Variants in BAP1 observed in about 807,000 individuals in gnomAD.
BAP1 encodes BRCA1 associated deubiquitinase 1.
BAP1 carries 16 observed loss-of-function variants against 77.2 expected under a neutral mutation model. That is an observed-to-expected ratio of 0.21 (90% CI 0.14 to 0.31). The LOEUF is 0.31. Ranked by LOEUF, BAP1 falls within the 10% of genes least tolerant of loss-of-function variation. The pLI is 1.00. For synonymous variants in BAP1, 362 were observed against 385.2 expected, an observed-to-expected ratio of 0.94 and a Z score of 0.71; for missense variants, 699 against 967.3, an observed-to-expected ratio of 0.72 and a Z score of 3.68.
At position 52,406,133 on chromosome 3, in the gene BAP1, G is replaced by T; in HGVS notation, c.783+120C>A. 6.4e-7 allele frequency: 1 copy of T among 1,566,832 alleles called. No homozygotes were observed. Among genetic ancestry groups the T allele is most frequent in the Non-Finnish European group, 8.7e-7 (1 of 1,145,122 alleles). ...TGGGGGCAAAGAAAAGATGTGGTTA[G>T]CTGAAGCCCAGATCTACAAGAGAGT... On this transcript the variant is annotated intron_variant, in intron 9 of 16. Coordinates refer to ENST00000460680, the MANE Select transcript of BAP1 (RefSeq NM_004656.4). This position sits in a 1 kb window ranked among gnomAD's most constrained non-coding sequence, Gnocchi z 4.6.
Position 52,406,444 on chromosome 3 carries a change from T to C in BAP1, c.660-68A>G. ...CCCCGCCATCAGGTTGAGGCAGATATCCTGGCAGGGCTCCCTGCAGTCACA... is the reference window on the plus strand; with the variant it reads ...CCCCGCCATCAGGTTGAGGCAGATACCCTGGCAGGGCTCCCTGCAGTCACA... On this transcript the variant is annotated intron_variant, in intron 8 of 16. Transcript: ENST00000460680. This position sits in a 1 kb window ranked among gnomAD's most constrained non-coding sequence, Gnocchi z 4.6. 6.2e-7 allele frequency: 1 copy of C among 1,603,102 alleles called. No individual in the cohort carries two copies. Among genetic ancestry groups the C allele is most frequent in the Admixed American group, 1.7e-5 (1 of 59,834 alleles).
At position 52,403,096 on chromosome 3, in the gene BAP1, C is replaced by T. The variant is rs1166635113; in HGVS notation, c.1890+42G>A. ...TGGGCAGGAGGAGCTCAGGCCTTAC[C>T]CTCTGCCAGGATTAAAGGAGAAAAC... On this transcript the variant is annotated intron_variant, in intron 14 of 16. Coordinates refer to ENST00000460680, the MANE Select transcript of BAP1 (RefSeq NM_004656.4). This position sits in a 1 kb window ranked among gnomAD's most constrained non-coding sequence, Gnocchi z 4.0. The T allele has an allele frequency of 6.2e-7, 1 of 1,608,062 alleles. No individual in the cohort carries two copies. The highest frequency in any genetic ancestry group is 8.5e-7 in the Non-Finnish European group (1 of 1,179,704).
chr3:52,406,499 A>C lies in BAP1; in HGVS notation c.660-123T>G. ...CAGCTGTAGGTATAGGCCCCACCCCAACAGGCAGGCAGCGACTAGCCATAC... is the reference window on the plus strand; with the variant it reads ...CAGCTGTAGGTATAGGCCCCACCCCCACAGGCAGGCAGCGACTAGCCATAC... On this transcript the variant is annotated intron_variant, in intron 8 of 16. Coordinates refer to ENST00000460680, the MANE Select transcript of BAP1 (RefSeq NM_004656.4). The surrounding 1 kb of genome is among the most constrained non-coding windows in gnomAD (Gnocchi z 4.6). The C allele has an allele frequency of 6.8e-7, 1 of 1,472,768 alleles. No homozygotes were observed. The highest frequency in any genetic ancestry group is 9.2e-7 in the Non-Finnish European group (1 of 1,083,364). 91.2% of individuals were successfully genotyped at this position (1,472,768 alleles called of 1,614,324 possible).
chr3:52,406,624 T>C lies in BAP1; in HGVS notation c.659+205A>G. The C allele has an allele frequency of 1.2e-6, 1 of 857,520 alleles. No individual in the cohort carries two copies. Among genetic ancestry groups the C allele is most frequent in the Non-Finnish European group, 1.8e-6 (1 of 549,388 alleles). 53.1% of individuals were successfully genotyped at this position (857,520 alleles called of 1,614,324 possible). A position where few individuals can be genotyped will look rare whatever the true frequency, so the allele number is the denominator to read the frequency against. Reference sequence around the variant, plus strand: ...GGCTGCCTAAGGCTCCACTGAGGCCTGCCCCTCCCCCAGCCCACCCAGGAG... The same window carrying C: ...GGCTGCCTAAGGCTCCACTGAGGCCCGCCCCTCCCCCAGCCCACCCAGGAG... On this transcript the variant is annotated intron_variant, in intron 8 of 16. Coordinates refer to ENST00000460680, the MANE Select transcript of BAP1 (RefSeq NM_004656.4). This position sits in a 1 kb window ranked among gnomAD's most constrained non-coding sequence, Gnocchi z 4.6.
rs537688492 is a variant in BAP1, at chr3:52,401,659, C to G, written c.*629G>C. ...ATCCCAGCAGCCTGCTCACCCCAACCCCACTGGGACACCCTACTCCCAACC... is the reference window on the plus strand; with the variant it reads ...ATCCCAGCAGCCTGCTCACCCCAACGCCACTGGGACACCCTACTCCCAACC... On this transcript the variant is annotated 3_prime_UTR_variant, in exon 17 of 17. Transcript: ENST00000460680. The G allele has an allele frequency of 4.2e-6, 1 of 237,682 alleles. No individual in the cohort carries two copies. The highest frequency in any genetic ancestry group is 1.7e-4 in the South Asian group (1 of 5,768). The allele number at this position is 237,682 out of a possible 1,614,324, so 14.7% of individuals were successfully genotyped here. A position where few individuals can be genotyped will look rare whatever the true frequency, so the allele number is the denominator to read the frequency against.
At position 52,403,729 on chromosome 3, in the gene BAP1, C is replaced by G. The variant is rs375433595; in HGVS notation, c.1416G>C (p.Gly472=). The change falls in exon 13 of 17, where the codon GGG becomes GGC. Residue 472 remains glycine (G), a synonymous_variant. Transcript: ENST00000460680. The surrounding 1 kb of genome is among the most constrained non-coding windows in gnomAD (Gnocchi z 4.0). ...GTGTGGGCACTGCCACAGCCGGACT[C>G]CCAGCCCCGCTGCTAGTCTTGATGG... is the stretch of plus-strand genomic sequence containing the variant. ...PLSIKTSSGA[G]SPAVAVPTHS... 1 of 1,614,032 alleles carries G rather than the reference C, an allele frequency of 6.2e-7. No homozygotes were observed. Among genetic ancestry groups the G allele is most frequent in the Admixed American group, 1.7e-5 (1 of 60,028 alleles).
At position 52,401,125 on chromosome 3, in the gene BAP1, A is replaced by C. The variant is rs1231968721; in HGVS notation, c.*1163T>G. The C allele has an allele frequency of 2.2e-5, 5 of 232,498 alleles. No homozygotes were observed. The highest frequency in any genetic ancestry group is 1.1e-4 in the Admixed American group (2 of 17,804). 14.4% of individuals were successfully genotyped at this position (232,498 alleles called of 1,614,324 possible). A position where few individuals can be genotyped will look rare whatever the true frequency, so the allele number is the denominator to read the frequency against. ...GCTGCCACACTTGCCAGCACCCCCC[A>C]CTCAGTCACTATGTACAGATAAAGG... On this transcript the variant is annotated 3_prime_UTR_variant, in exon 17 of 17. Coordinates refer to ENST00000460680, the MANE Select transcript of BAP1 (RefSeq NM_004656.4).
At chr3:52,407,604 G>T in intron 5 of BAP1, 144 bp from the exon 6 acceptor site, 2 of 1,173,260 alleles carry the variant, frequency 1.7e-6, no homozygotes, top group Non-Finnish European at 2.5e-6. Flanking sequence ...GGCTGGTGGG[G>T]GCAGAAAAGA....
Position 52,402,221 on chromosome 3 carries a change from G to A in BAP1, c.*67C>T, listed in dbSNP as rs1201129224. The A allele has an allele frequency of 1.3e-6, 2 of 1,568,162 alleles. No individual in the cohort carries two copies. The highest frequency in any genetic ancestry group is 1.7e-6 in the Non-Finnish European group (2 of 1,159,088). On this transcript the variant is annotated 3_prime_UTR_variant, in exon 17 of 17. Transcript: ENST00000460680. This position sits in a 1 kb window ranked among gnomAD's most constrained non-coding sequence, Gnocchi z 5.3. ...AGTAATACTGGGAAAAGGGGAAGTG[G>A]GGCAGGGAAGGACCCTGGTGAGGGC...
In BAP1 at chr3:52,401,528, C is replaced by A. The variant is rs566007468; in HGVS notation, c.*760G>T. On this transcript the variant is annotated 3_prime_UTR_variant, in exon 17 of 17. Transcript: ENST00000460680. ...GGGCCACAACACTGAAGGCGAAGAG[C>A]CCTAGAACCTTGCTATGGAGAGCAG... 4.3e-6 allele frequency: 1 copy of A among 233,868 alleles called. No homozygotes were observed. Among genetic ancestry groups the A allele is most frequent in the East Asian group, 6.0e-5 (1 of 16,588 alleles). The allele number at this position is 233,868 out of a possible 1,614,324, so 14.5% of individuals were successfully genotyped here.
In BAP1 at chr3:52,406,184, T is replaced by C. The variant is rs141765555; in HGVS notation, c.783+69A>G. ...ATGTTCACGAATCAGAGACAAATGC[T>C]GTGGGGGAAGGGAGGAGGAATGCAG... On this transcript the variant is annotated intron_variant, in intron 9 of 16. Transcript: ENST00000460680. This position sits in a 1 kb window ranked among gnomAD's most constrained non-coding sequence, Gnocchi z 4.6. 1,525 of 1,608,898 alleles carry C rather than the reference T, an allele frequency of 9.5e-4. 3 individuals carry two copies. Among genetic ancestry groups the C allele is most frequent in the Admixed American group, 1.3e-3 (80 of 59,960 alleles).
rs2153226988 is a variant in BAP1 at position 52,405,113 on chromosome 3, C to T, written c.1113G>A (p.Met371Ile). The stretch of plus-strand genomic sequence containing the variant: ...TGCAAGGGTGCTCCCAGCTTACCTG[C>T]ATGGGGGACTTGGCATAATTGTGAT... Reference protein sequence around the residue: ...LDNHNYAKSPMQEEEDLAAGV... With the variant: ...LDNHNYAKSPIQEEEDLAAGV... The change falls in exon 11 of 17, where the codon ATG becomes ATA. Residue 371 changes from methionine (M) to isoleucine (I), a missense_variant. Around this residue, in one of 3 missense-constraint regions of BAP1, gnomAD observed 475 missense variants for 532.4 expected, o/e 0.89. Transcript: ENST00000460680. 1 of 1,614,122 alleles carries T rather than the reference C, an allele frequency of 6.2e-7. No individual in the cohort carries two copies. Among genetic ancestry groups the T allele is most frequent in the Non-Finnish European group, 8.5e-7 (1 of 1,180,010 alleles).
rs774743129 is a variant in BAP1 at position 52,402,741 on chromosome 3, G to A, written c.1983+38C>T. ...GCCAGAGCAGCCACCAGTGGACCTC[G>A]GGAGAGGCCAGATCAGGCAACTGGA... On this transcript the variant is annotated intron_variant, in intron 15 of 16. Coordinates refer to ENST00000460680, the MANE Select transcript of BAP1 (RefSeq NM_004656.4). The surrounding 1 kb of genome is among the most constrained non-coding windows in gnomAD (Gnocchi z 5.3). The A allele has an allele frequency of 1.6e-5, 26 of 1,614,002 alleles. No individual in the cohort carries two copies. In the Middle Eastern group the frequency reaches 4.9e-4, roughly 31 times the overall value.
At position 52,409,687 on chromosome 3, in the gene BAP1, G is replaced by A. The variant is rs539725123; in HGVS notation, c.67+27C>T. ...CGCAGGGGTGGGCCGCCACAGCCCC[G>A]GTCCGGCAGGGAGAAAAGGCTCTTA... On this transcript the variant is annotated intron_variant, in intron 2 of 16. Transcript: ENST00000460680. The A allele has an allele frequency of 6.2e-7, 1 of 1,614,180 alleles. No homozygotes were observed. Among genetic ancestry groups the A allele is most frequent in the Non-Finnish European group, 8.5e-7 (1 of 1,180,034 alleles).
rs768279336 is a variant in BAP1 at position 52,409,754 on chromosome 3, C to T, written c.38-11G>A. 11 of 1,613,760 alleles carry T rather than the reference C, an allele frequency of 6.8e-6. No homozygotes were observed. The Admixed American group carries it at 1.7e-4, about 24-fold the overall frequency. ...GCAGGGTGAAGAGGCCTGGGTGGGG[C>T]GACAAGAGGAGGGGGTGATGGTCAG... On this transcript the variant is annotated splice_polypyrimidine_tract_variant and intron_variant, in intron 1 of 16. Coordinates refer to ENST00000460680, the MANE Select transcript of BAP1 (RefSeq NM_004656.4).
intron 5 of BAP1, 140 bp from the exon 6 acceptor site, chr3:52,407,600 T>C (rs1273739836): frequency 8.2e-7 from 1 of 1,219,682 alleles, no homozygotes; most frequent in East Asian, 2.4e-5. Flanking sequence ...AAAAGGCTGG[T>C]GGGGGCAGAA....
rs1578226535 is a variant in BAP1 at position 52,407,305 on chromosome 3, C to A, written c.449G>T (p.Arg150Leu). The change falls in exon 7 of 17, where the codon CGC (arginine) becomes CTC (leucine). Residue 150 changes from arginine to leucine, a missense_variant. Arg to Leu is a moderately radical substitution (Grantham distance 102). This residue lies in a region of BAP1 where 160 missense variants were observed against 322.8 expected (regional missense o/e 0.50). Transcript: ENST00000460680. ...GCCATTCTGCTTCTCAGGGAGGTGG[C>A]GTGGCTCGGGCCTGGGGAAAAACAG... ...AHNSHARPEPRHLPEKQNGLS... is the reference protein window; with the variant it reads ...AHNSHARPEPLHLPEKQNGLS... 1 of 1,614,116 alleles carries A rather than the reference C, an allele frequency of 6.2e-7. No homozygotes were observed. Among genetic ancestry groups the A allele is most frequent in the Non-Finnish European group, 8.5e-7 (1 of 1,180,022 alleles).
chr3:52,401,403 T>A lies in BAP1; in HGVS notation c.*885A>T, dbSNP rs992685893. The A allele has an allele frequency of 3.0e-5, 7 of 233,428 alleles. No individual in the cohort carries two copies. The highest frequency in any genetic ancestry group is 5.6e-5 in the Admixed American group (1 of 17,774). The allele number at this position is 233,428 out of a possible 1,614,324, so 14.5% of individuals were successfully genotyped here. A position where few individuals can be genotyped will look rare whatever the true frequency, so the allele number is the denominator to read the frequency against. The stretch of plus-strand genomic sequence containing the variant: ...TAAGCAACCCTGTCTCTGCTACCCC[T>A]GAGAGGGAGACATGGTAATACTGAG... On this transcript the variant is annotated 3_prime_UTR_variant, in exon 17 of 17. Coordinates refer to ENST00000460680, the MANE Select transcript of BAP1 (RefSeq NM_004656.4).
rs746850302 is a variant in BAP1, at chr3:52,402,591, C to T, written c.2056+11G>A. 6.2e-7 allele frequency: 1 copy of T among 1,614,084 alleles called. No homozygotes were observed. The highest frequency in any genetic ancestry group is 1.1e-5 in the South Asian group (1 of 91,066). ...GGGCATTCCAGTTAAGACAGCAGCG[C>T]ATCCCCTCACCTTCCTGAGCCAGCA... On this transcript the variant is annotated intron_variant, in intron 16 of 16. Coordinates refer to ENST00000460680, the MANE Select transcript of BAP1 (RefSeq NM_004656.4). This position sits in a 1 kb window ranked among gnomAD's most constrained non-coding sequence, Gnocchi z 5.3.
Sources: allele counts gnomAD v4.1 joint callset, GRCh38; gene constraint gnomAD v4.1.1; regional missense constraint gnomAD v4.1.1; non-coding constraint Gnocchi (gnomAD v3.1); transcripts MANE v1.5; gene names NCBI Gene and HGNC (gene_info 2026-07-23, HGNC 2026-07-21).